The following GATB variants were observed in gnomAD, a reference collection of about 807,000 sequenced individuals.
GATB encodes the protein glutamyl-tRNA amidotransferase subunit B.
Under a neutral mutation model 62.3 loss-of-function variants are expected in GATB, and 39 were observed. That is an observed-to-expected ratio of 0.63 (90% CI 0.48 to 0.82). The LOEUF is 0.82. GATB is among the 40% of genes least tolerant of loss of function. The pLI is 0.00. For missense variants in GATB, 670 were observed against 684.0 expected, an observed-to-expected ratio of 0.98 and a Z score of 0.23; for synonymous variants, 276 against 258.9, an observed-to-expected ratio of 1.07 and a Z score of -0.63.
At chr4:151,719,928 T>C (rs1295512018) in intron 2 of GATB, 1 of 155,938 alleles carries the variant, frequency 6.4e-6, no homozygotes, top group Non-Finnish European at 1.4e-5. Context: ...GAGGCACTGA[T>C]TGCTGAGAGG....
Position 151,716,961 on chromosome 4 carries a change from G to C in GATB, c.555C>G (p.Ile185Met). ...QSQVIPKTVR[I>M]KQIQLEQDSG... ...TGTCTTGCTCCAACTGGATCTGCTTGATCCTCACCGTCTTGGGGATCACCT... is the reference window on the plus strand; with the variant it reads ...TGTCTTGCTCCAACTGGATCTGCTTCATCCTCACCGTCTTGGGGATCACCT... The change falls in exon 4 of 13, where the codon ATC becomes ATG. Residue 185 changes from isoleucine (I) to methionine (M), a missense_variant. Physicochemically the swap from Ile to Met is conservative, Grantham distance 10. Transcript: ENST00000263985. The C allele has an allele frequency of 1.9e-6, 3 of 1,614,148 alleles. No individual in the cohort carries two copies. Among genetic ancestry groups the C allele is most frequent in the Non-Finnish European group, 2.5e-6 (3 of 1,180,030 alleles).
At chr4:151,697,951 G>GTA (rs1191034630) in intron 9 of GATB, among the ~76,000 whole-genome samples, 77 of 28,612 alleles carry the variant, frequency 2.7e-3, no homozygotes, top group Middle Eastern at 0.023. Context: ...GTGTGTGTGT[G>GTA]TGTATATATA....
chr4:151,681,421 G>A (rs888202292), intron 10 of GATB, among the ~76,000 whole-genome samples: 6 of 146,900 alleles, frequency 4.1e-5, no homozygotes, highest in African/African-American at 1.6e-4. Flanking sequence ...TCAAAAGGAA[G>A]AGGGGCAGCG....
At chr4:151,744,334 G>A (rs1031047962) in intron 2 of GATB, among the ~76,000 whole-genome samples, 4 of 152,192 alleles carry the variant, frequency 2.6e-5, no homozygotes, top group African/African-American at 9.6e-5. Context: ...GTACTGTCAA[G>A]TAGCCCAAGA....
At chr4:151,683,936 C>T (rs1738195432) in intron 10 of GATB, among the ~76,000 whole-genome samples, 1 of 152,216 alleles carries the variant, frequency 6.6e-6, no homozygotes, top group Admixed American at 6.5e-5. Context: ...CACCTACTCC[C>T]TGAAAAATCT....
intron 4 of GATB, 147 bp from the exon 5 acceptor site, chr4:151,716,278 T>A (rs1344733028): frequency 5.2e-4 from 73 of 140,550 alleles, no homozygotes; most frequent in Middle Eastern, 3.4e-3. Context: ...CCCTCCCACC[T>A]TTTTTTTTTT....
intron 4 of GATB, 89 bp downstream of exon 4, chr4:151,716,787 G>T: frequency 8.1e-7 from 1 of 1,238,192 alleles, no homozygotes; most frequent in Non-Finnish European, 1.2e-6. Context: ...TTCTCAATTT[G>T]TTCAAGAAAA....
chr4:151,729,307 G>A (rs890380668), intron 2 of GATB, among the ~76,000 whole-genome samples: 2 of 151,882 alleles, frequency 1.3e-5, no homozygotes, highest in Non-Finnish European at 2.9e-5. Flanking sequence ...GGAAGAGAGA[G>A]AAAGAGAGGA....
intron 2 of GATB, among the ~76,000 whole-genome samples, chr4:151,735,235 G>GAAAAAAA (rs530781519): frequency 1.0e-5 from 1 of 98,794 alleles, no homozygotes. Flanking sequence ...AAATCAGTAA[G>GAAAAAAA]AAAAAAAAAA....
At chr4:151,672,678 TG>T in intron 12 of GATB, 83 bp downstream of exon 12, 1 of 1,443,408 alleles carries the variant, frequency 6.9e-7, no homozygotes, top group Non-Finnish European at 9.4e-7. Context: ...GAAGAGCCTC[TG>T]GGCTGCCACA....
chr4:151,710,457 T>C (rs1013469201), intron 5 of GATB, among the ~76,000 whole-genome samples: 2 of 152,234 alleles, frequency 1.3e-5, no homozygotes, highest in Non-Finnish European at 2.9e-5. Flanking sequence ...ACAAGTTTTG[T>C]TTGTTTGTTG....
At chr4:151,747,419 C>T (rs536564382) in intron 2 of GATB, among the ~76,000 whole-genome samples, 3 of 152,316 alleles carry the variant, frequency 2.0e-5, no homozygotes, top group East Asian at 3.9e-4. Context: ...CTGTGCCTGG[C>T]TTGGATGTGT....
intron 5 of GATB, among the ~76,000 whole-genome samples, chr4:151,709,516 G>A (rs1333347041): frequency 6.6e-6 from 1 of 152,076 alleles, no homozygotes; most frequent in Non-Finnish European, 1.5e-5. Flanking sequence ...CTCGGTCTAG[G>A]AACCCTGAGG....
At chr4:151,699,092 T>C (rs1738548442) in intron 9 of GATB, among the ~76,000 whole-genome samples, 1 of 152,080 alleles carries the variant, frequency 6.6e-6, no homozygotes. Context: ...AAGATGCTAA[T>C]AAAAGTGCTG....
intron 2 of GATB, among the ~76,000 whole-genome samples, chr4:151,731,151 C>A (rs1578928647): frequency 1.4e-5 from 2 of 144,546 alleles, no homozygotes; most frequent in Non-Finnish European, 3.0e-5. Context: ...TCCACGGTCT[C>A]CCTCTGATGC....
At chr4:151,721,866 T>C (rs1286094024) in intron 2 of GATB, 1 of 299,498 alleles carries the variant, frequency 3.3e-6, no homozygotes, top group Non-Finnish European at 6.1e-6. Context: ...AGACTCTCAC[T>C]GTGTCCGTGT....
At chr4:151,719,698 G>A (rs1560855832) in intron 2 of GATB, 160 bp from the exon 3 acceptor site, 4 of 500,502 alleles carry the variant, frequency 8.0e-6, no homozygotes, top group Non-Finnish European at 1.0e-5. Flanking sequence ...GAGTCTGTTT[G>A]CCTGGGAATC....
At chr4:151,721,926 G>A (rs1266550914) in intron 2 of GATB, 1 of 472,890 alleles carries the variant, frequency 2.1e-6, no homozygotes, top group Non-Finnish European at 3.7e-6. Context: ...CAGAGAAGAA[G>A]GCAGTAAAAC....
At chr4:151,705,124 G>A in intron 7 of GATB, 61 bp downstream of exon 7, 1 of 1,155,832 alleles carries the variant, frequency 8.7e-7, no homozygotes, top group Admixed American at 1.8e-5. Context: ...GTCAGTGGCT[G>A]AGCCCAGCCC....
Sources: gnomAD v4.1 joint callset for allele counts (sites outside exome capture counted in the v4.1 genomes callset) on GRCh38, gnomAD v4.1.1 for gene constraint, MANE v1.5 for transcripts, NCBI Gene and HGNC (gene_info 2026-07-23, HGNC 2026-07-21) for gene names.